Variants in MAP1B observed in about 807,000 individuals in gnomAD.
MAP1B encodes microtubule associated protein 1B.
MAP1B carries 12 observed loss-of-function variants against 176.1 expected under a neutral mutation model. The ratio of observed to expected loss-of-function variants is 0.07; its 90% CI spans 0.04 to 0.11. The LOEUF is 0.11. MAP1B is among the 10% of genes least tolerant of loss of function. The pLI is 1.00. For missense variants in MAP1B, 2,523 were observed against 2,990.5 expected (o/e 0.84, Z 3.65); for synonymous variants, 1,044 against 1,135.0 (o/e 0.92, Z 1.61).
At chr5:72,203,824 T>C (rs370197148) in intron 6 of MAP1B, 23 bp downstream of exon 6, 45 of 1,592,956 alleles carry the variant, frequency 2.8e-5, no homozygotes, top group Non-Finnish European at 2.8e-5. Context: ...CGACAGTGTC[T>C]GCACTGCCGA....
intron 2 of MAP1B, among the ~76,000 whole-genome samples, chr5:72,180,331 A>G (rs1358049968): frequency 6.6e-6 from 1 of 152,174 alleles, no homozygotes. Context: ...AGAAATGACT[A>G]TTCCTTCTCC....
chr5:72,139,059 G>A (rs1229074344), intron 2 of MAP1B, among the ~76,000 whole-genome samples: 2 of 152,144 alleles, frequency 1.3e-5, no homozygotes, highest in Non-Finnish European at 2.9e-5. Flanking sequence ...AGTAAGTTAC[G>A]TGTCTGGGGA....
At chr5:72,152,805 A>G (rs1410626401) in intron 2 of MAP1B, among the ~76,000 whole-genome samples, 3 of 152,300 alleles carry the variant, frequency 2.0e-5, no homozygotes, top group African/African-American at 7.2e-5. Flanking sequence ...GTTCAGAAGT[A>G]CTGTTGTGAG....
chr5:72,201,266 G>A (rs577985238), intron 5 of MAP1B, among the ~76,000 whole-genome samples: 12 of 151,476 alleles, frequency 7.9e-5, no homozygotes, highest in Admixed American at 1.3e-4. Context: ...TAGCTACTTG[G>A]GAGGCTGAGG....
intron 4 of MAP1B, chr5:72,193,207 A>C (rs1301671848): frequency 2.7e-6 from 1 of 370,456 alleles, no homozygotes; most frequent in Admixed American, 3.7e-5. Context: ...TTTTGTAGTA[A>C]TAGGCAATCC....
At chr5:72,185,033 C>T (rs1746863550) in intron 3 of MAP1B, among the ~76,000 whole-genome samples, 1 of 152,194 alleles carries the variant, frequency 6.6e-6, no homozygotes, top group Admixed American at 6.5e-5. Context: ...CAATTCTGGA[C>T]ATTTCATATA....
chr5:72,177,770 C>T (rs1746679737), intron 2 of MAP1B, among the ~76,000 whole-genome samples: 1 of 152,202 alleles, frequency 6.6e-6, no homozygotes, highest in Non-Finnish European at 1.5e-5. Context: ...AAGCACCTTT[C>T]ATTTCTTGCT....
At chr5:72,120,581 T>A (rs1362103961) in intron 2 of MAP1B, among the ~76,000 whole-genome samples, 1 of 151,350 alleles carries the variant, frequency 6.6e-6, no homozygotes, top group Non-Finnish European at 1.5e-5. Flanking sequence ...CCCACCACCA[T>A]GCCTGGCTAT....
At chr5:72,113,059 G>A (rs1005112628) in intron 1 of MAP1B, among the ~76,000 whole-genome samples, 3 of 152,150 alleles carry the variant, frequency 2.0e-5, no homozygotes, top group African/African-American at 7.2e-5. Context: ...TCCTTGTTAG[G>A]CACAAAGGGG....
chr5:72,110,811 A>G (rs1488009205), intron 1 of MAP1B, among the ~76,000 whole-genome samples: 1 of 152,220 alleles, frequency 6.6e-6, no homozygotes, highest in East Asian at 1.9e-4. Context: ...TGGGAAGCCT[A>G]GAAAATAATC....
chr5:72,204,559 C>T lies in MAP1B; in HGVS notation c.7252-525C>T, dbSNP rs1341047374. Among the ~76,000 whole-genome samples, 1 of 152,188 alleles carries T rather than the reference C, an allele frequency of 6.6e-6. No individual in the cohort carries two copies. The highest frequency in any genetic ancestry group is 1.9e-4 in the East Asian group (1 of 5,196). On this transcript the variant is annotated intron_variant, in intron 6 of 6. Transcript: ENST00000296755. The surrounding 1 kb of genome is among the most constrained non-coding windows in gnomAD (Gnocchi z 4.4). ...ATGAGAGGCACCCAGTGGCTCCCTA[C>T]TGAATGCTAGATGGAATTTATACTA...
intron 2 of MAP1B, among the ~76,000 whole-genome samples, chr5:72,157,251 T>G (rs1342393115): frequency 1.3e-5 from 2 of 152,190 alleles, no homozygotes; most frequent in Non-Finnish European, 2.9e-5. Context: ...GAGGGTAATG[T>G]TTGTAGAAAT....
intron 2 of MAP1B, among the ~76,000 whole-genome samples, chr5:72,119,602 G>A (rs1745490776): frequency 6.6e-6 from 1 of 152,092 alleles, no homozygotes; most frequent in South Asian, 2.1e-4. Context: ...CAACCTCCTG[G>A]GCTCAAATGA....
intron 4 of MAP1B, among the ~76,000 whole-genome samples, chr5:72,191,186 G>A (rs1462776153): frequency 6.6e-6 from 1 of 152,138 alleles, no homozygotes; most frequent in East Asian, 1.9e-4. Flanking sequence ...TATGTATTGA[G>A]GAAACAAAGA....
intron 2 of MAP1B, among the ~76,000 whole-genome samples, chr5:72,139,151 T>C (rs1367684692): frequency 6.6e-6 from 1 of 152,184 alleles, no homozygotes; most frequent in Non-Finnish European, 1.5e-5. Context: ...TGTGGTAGAA[T>C]AATGACATGG....
In MAP1B at chr5:72,195,814, C is replaced by A; in HGVS notation, c.2459C>A (p.Ala820Asp). 6.2e-7 allele frequency: 1 copy of A among 1,614,222 alleles called. No homozygotes were observed. Among genetic ancestry groups the A allele is most frequent in the East Asian group, 2.2e-5 (1 of 44,874 alleles). ...AAAGIAAIGP[A>D]KELEAERSLM... ...GCTGGAATAGCAGCCATTGGCCCTG[C>A]CAAAGAACTCGAAGCTGAGAGGTCC... The change falls in exon 5 of 7, where the codon GCC becomes GAC. Residue 820 changes from alanine (A) to aspartate (D), a missense_variant. Physicochemically the swap from Ala to Asp is moderately radical, Grantham distance 126 (BLOSUM62 -2). Transcript: ENST00000296755.
rs1481853896 is a variant in MAP1B, at chr5:72,186,444, C to T, written c.370-170C>T. Reference sequence around the variant, plus strand: ...TGTGGATGATCCTACAGCCAGGGATCCATTCAACCCTCCCGTGCTCTTCTG... The same window carrying T: ...TGTGGATGATCCTACAGCCAGGGATTCATTCAACCCTCCCGTGCTCTTCTG... On this transcript the variant is annotated intron_variant, in intron 3 of 6. Transcript: ENST00000296755. This position sits in a 1 kb window ranked among gnomAD's most constrained non-coding sequence, Gnocchi z 4.3. Among the ~76,000 whole-genome samples the T allele has an allele frequency of 6.6e-6, 1 of 152,202 alleles. No homozygotes were observed. The highest frequency in any genetic ancestry group is 1.5e-5 in the Non-Finnish European group (1 of 68,040).
chr5:72,124,552 A>G (rs530532686), intron 2 of MAP1B, among the ~76,000 whole-genome samples: 30 of 152,162 alleles, frequency 2.0e-4, no homozygotes, highest in Non-Finnish European at 4.1e-4. Flanking sequence ...ACCGCACCTC[A>G]TTTGAAACAC....
At chr5:72,147,106 C>T (rs1241000244) in intron 2 of MAP1B, among the ~76,000 whole-genome samples, 5 of 151,898 alleles carry the variant, frequency 3.3e-5, no homozygotes, top group African/African-American at 1.2e-4. Flanking sequence ...GACTAAGGGA[C>T]TACAGGCCTG....
Sources: gnomAD v4.1 joint callset for allele counts (sites outside exome capture counted in the v4.1 genomes callset) on GRCh38, gnomAD v4.1.1 for gene constraint, Gnocchi (gnomAD v3.1) non-coding constraint, MANE v1.5 for transcripts, NCBI Gene and HGNC (gene_info 2026-07-23, HGNC 2026-07-21) for gene names.